The following RAB2A variants were observed in gnomAD, a reference collection of about 807,000 sequenced individuals.
RAB2A encodes ras-related protein Rab-2A.
Under a neutral mutation model 32.5 loss-of-function variants are expected in RAB2A, and 7 were observed. That is an observed-to-expected ratio of 0.22 (90% confidence interval 0.12 to 0.40). RAB2A has a LOEUF of 0.40. Ranked by LOEUF, RAB2A falls within the 10% of genes least tolerant of loss-of-function variation. The pLI is 1.00. For missense variants in RAB2A, 108 were observed against 260.7 expected (o/e 0.41, Z 4.03); for synonymous variants, 79 against 85.2 (o/e 0.93, Z 0.40).
intron 6 of RAB2A, among the ~76,000 whole-genome samples, chr8:60,593,581 C>T (rs1015145712): frequency 6.6e-6 from 1 of 152,158 alleles, no homozygotes; most frequent in African/African-American, 2.4e-5. Flanking sequence ...CCTACCACCA[C>T]CATTTCCCTT....
At chr8:60,546,704 G>A (rs565525048) in intron 1 of RAB2A, among the ~76,000 whole-genome samples, 1 of 152,216 alleles carries the variant, frequency 6.6e-6, no homozygotes, top group Non-Finnish European at 1.5e-5. Flanking sequence ...CACAACTCTT[G>A]TTGTGAAGTA....
At chr8:60,561,342 G>A (rs756846931) in intron 2 of RAB2A, among the ~76,000 whole-genome samples, 5 of 152,106 alleles carry the variant, frequency 3.3e-5, no homozygotes, top group Non-Finnish European at 5.9e-5. Context: ...GGTTGTAAAT[G>A]ACAAAAATTT....
intron 5 of RAB2A, among the ~76,000 whole-genome samples, chr8:60,588,881 A>G (rs1457912972): frequency 4.6e-5 from 7 of 152,244 alleles, no homozygotes; most frequent in Admixed American, 3.3e-4. Context: ...GAGATTTGCT[A>G]TTAAGAGAAA....
At chr8:60,588,604 T>A (rs1255691868) in intron 5 of RAB2A, among the ~76,000 whole-genome samples, 1 of 152,176 alleles carries the variant, frequency 6.6e-6, no homozygotes, top group Non-Finnish European at 1.5e-5. Context: ...TACATTTATA[T>A]AAAAATCCTA....
intron 1 of RAB2A, among the ~76,000 whole-genome samples, chr8:60,553,397 C>G (rs1807886614): frequency 6.6e-6 from 1 of 152,162 alleles, no homozygotes; most frequent in South Asian, 2.1e-4. Context: ...ACAGCAACGC[C>G]TAGATTAGTG....
At chr8:60,538,053 G>C (rs961018133) in intron 1 of RAB2A, among the ~76,000 whole-genome samples, 10 of 152,192 alleles carry the variant, frequency 6.6e-5, no homozygotes, top group African/African-American at 2.4e-4. Context: ...AAACTAGTGA[G>C]GAAAGTTCCA....
intron 3 of RAB2A, among the ~76,000 whole-genome samples, chr8:60,576,993 C>T (rs1311912993): frequency 6.6e-6 from 1 of 152,078 alleles, no homozygotes; most frequent in Non-Finnish European, 1.5e-5. Context: ...GTTTTTCTTA[C>T]GTGGCAGCAC....
At position 60,558,907 on chromosome 8, in the gene RAB2A, G is replaced by A. The variant is rs1325952522; in HGVS notation, c.102G>A (p.Val34=). The stretch of plus-strand genomic sequence containing the variant: ...TTACAGACAAGAGGTTTCAGCCAGT[G>A]CATGACCTTACTATTGGTAAGTTTT... The part of the protein sequence containing the change: ...LQFTDKRFQP[V]HDLTIGVEFG... The change falls in exon 2 of 8, where the codon GTG becomes GTA. Residue 34 remains valine (V), a synonymous_variant. Coordinates refer to ENST00000262646, the MANE Select transcript of RAB2A (RefSeq NM_002865.3). 6.2e-7 allele frequency: 1 copy of A among 1,612,318 alleles called. No homozygotes were observed. Among genetic ancestry groups the A allele is most frequent in the Admixed American group, 1.7e-5 (1 of 60,010 alleles).
At chr8:60,541,794 A>G (rs1270437480) in intron 1 of RAB2A, among the ~76,000 whole-genome samples, 1 of 152,180 alleles carries the variant, frequency 6.6e-6, no homozygotes, top group African/African-American at 2.4e-5. Context: ...AGTGAGGCCT[A>G]CTTCATCTAG....
rs1803806911 is a variant in RAB2A at position 60,583,960 on chromosome 8, T to C, written c.187-248T>C. Reference sequence around the variant, plus strand: ...TTGTCAGGGATTGCCAAAAAGGGTTTAGAGGTCTTGCGGGCTGGGGAGGTT... The same window carrying C: ...TTGTCAGGGATTGCCAAAAAGGGTTCAGAGGTCTTGCGGGCTGGGGAGGTT... On this transcript the variant is annotated intron_variant, in intron 3 of 7. Coordinates refer to ENST00000262646, the MANE Select transcript of RAB2A (RefSeq NM_002865.3). 2.4e-5 allele frequency: 8 copies of C among 338,982 alleles called. No individual in the cohort carries two copies. The South Asian group carries it at 3.1e-4, about 13-fold the overall frequency. The allele number at this position is 338,982 out of a possible 1,614,324, so 21.0% of individuals were successfully genotyped here.
Position 60,559,839 on chromosome 8 carries a change from C to G in RAB2A, c.118+916C>G, listed in dbSNP as rs964431091. Among the ~76,000 whole-genome samples, 7 of 152,170 alleles carry G rather than the reference C, an allele frequency of 4.6e-5. No homozygotes were observed. In the East Asian group the frequency reaches 1.2e-3, roughly 25 times the overall value. ...GACATTATTAATTTACTATTTATAG[C>G]ATGTTGATCCTTATGTTCTGTGTGT... On this transcript the variant is annotated intron_variant, in intron 2 of 7. Transcript: ENST00000262646.
intron 1 of RAB2A, among the ~76,000 whole-genome samples, chr8:60,544,630 A>C (rs1807700576): frequency 6.8e-6 from 1 of 147,600 alleles, no homozygotes; most frequent in East Asian, 2.0e-4. Context: ...TCCTTGCCTC[A>C]AGTGATTCTC....
At chr8:60,553,117 CATCCAACTGGAG>C (rs1189058042) in intron 1 of RAB2A, 1 of 152,200 alleles carries the variant, frequency 6.6e-6, no homozygotes, top group African/African-American at 2.4e-5. Flanking sequence ...AAAAAGTCAG[CATCCAACTGGAG>C]AAGCAGAACC....
rs987228563 is a variant in RAB2A at position 60,575,876 on chromosome 8, C to G, written c.186+3763C>G. ...TTCTCCATGTTGGTCAGGCTGGTCCCGAACTCCCGACCTCAGGTGATCCAC... is the reference window on the plus strand; with the variant it reads ...TTCTCCATGTTGGTCAGGCTGGTCCGGAACTCCCGACCTCAGGTGATCCAC... On this transcript the variant is annotated intron_variant, in intron 3 of 7. Coordinates refer to ENST00000262646, the MANE Select transcript of RAB2A (RefSeq NM_002865.3). Among the ~76,000 whole-genome samples, 7 of 152,072 alleles carry G rather than the reference C, an allele frequency of 4.6e-5. No homozygotes were observed. In the East Asian group the frequency reaches 7.7e-4, roughly 17 times the overall value.
intron 1 of RAB2A, among the ~76,000 whole-genome samples, chr8:60,545,657 A>G (rs1020787789): frequency 6.6e-6 from 1 of 152,120 alleles, no homozygotes; most frequent in Non-Finnish European, 1.5e-5. Context: ...AGCTCTCACA[A>G]TGGTGTCCTA....
intron 1 of RAB2A, among the ~76,000 whole-genome samples, chr8:60,547,630 C>T (rs370721214): frequency 0.015 from 1,608 of 105,644 alleles, 11 homozygotes; most frequent in Middle Eastern, 0.042. Flanking sequence ...ACCTCCCGGA[C>T]GGGGCGGCTG....
chr8:60,526,968 CAAAAAAAAA>C (rs34685368), intron 1 of RAB2A, among the ~76,000 whole-genome samples: 2 of 91,646 alleles, frequency 2.2e-5, no homozygotes, highest in East Asian at 5.8e-4. Flanking sequence ...GACTCCATCT[CAAAAAAAAA>C]AAAAAAAAAA....
chr8:60,614,585 A>G (rs932938444), intron 6 of RAB2A, among the ~76,000 whole-genome samples: 3 of 152,158 alleles, frequency 2.0e-5, no homozygotes, highest in Admixed American at 6.5e-5. Flanking sequence ...GGTAAATGTC[A>G]GTGATATGTA....
chr8:60,581,788 C>T (rs1433262928), intron 3 of RAB2A, among the ~76,000 whole-genome samples: 2 of 151,970 alleles, frequency 1.3e-5, no homozygotes, highest in South Asian at 2.1e-4. Flanking sequence ...AGGTTGATTG[C>T]TTAAAGCTCA....
Sources: allele counts gnomAD v4.1 joint callset (sites outside exome capture counted in the v4.1 genomes callset), GRCh38; gene constraint gnomAD v4.1.1; transcripts MANE v1.5; gene names NCBI Gene and HGNC (gene_info 2026-07-23, HGNC 2026-07-21).